ERGIC3: variants seen among roughly 807,000 people sequenced by gnomAD.
The protein encoded by ERGIC3 is endoplasmic reticulum-Golgi intermediate compartment protein 3.
In ERGIC3, 33 loss-of-function variants were observed where a neutral mutation model predicts 54.7. The ratio of observed to expected loss-of-function variants is 0.60; its 90% CI spans 0.46 to 0.81. The LOEUF is 0.81. ERGIC3 is among the 30% of genes least tolerant of loss of function. The probability of loss-of-function intolerance (pLI) is 0.00; values close to 1 mark genes in which losing one functional copy is unlikely to be tolerated. For synonymous variants in ERGIC3, 186 were observed against 189.8 expected (o/e 0.98, Z 0.16); for missense variants, 399 against 488.4 (o/e 0.82, Z 1.73).
intron 4 of ERGIC3, chr20:35,544,934 C>G (rs540865976): frequency 1.4e-5 from 2 of 147,722 alleles, no homozygotes; most frequent in Admixed American, 1.4e-4. Flanking sequence ...TTCTGAGTAG[C>G]TGGGGTTACA....
chr20:35,554,595 A>G (rs1275102057), intron 7 of ERGIC3, among the ~76,000 whole-genome samples: 2 of 152,178 alleles, frequency 1.3e-5, no homozygotes, highest in East Asian at 3.8e-4. Flanking sequence ...ATTGTTCTGG[A>G]ACAGTTGGTA....
At position 35,547,251 on chromosome 20, in the gene ERGIC3, T is replaced by C. The variant is rs556373726; in HGVS notation, c.368-161T>C. The C allele has an allele frequency of 2.2e-5, 13 of 594,914 alleles. No homozygotes were observed. The East Asian group carries it at 3.4e-4, about 16-fold the overall frequency. 36.9% of individuals were successfully genotyped at this position (594,914 alleles called of 1,614,324 possible). On this transcript the variant is annotated intron_variant, in intron 4 of 12. Transcript: ENST00000348547. ...GTTTCTTTTATTAAAAGAATTGATATGTGTGTAGAAGTGCTTAATGCCTGA... is the reference window on the plus strand; with the variant it reads ...GTTTCTTTTATTAAAAGAATTGATACGTGTGTAGAAGTGCTTAATGCCTGA...
chr20:35,556,516 CGTCTGCCTGCCTCACTGTTCTCTGTG>C (rs968680484), intron 10 of ERGIC3: 5 of 547,962 alleles, frequency 9.1e-6, no homozygotes, highest in African/African-American at 1.9e-5. Flanking sequence ...CGGTGCCCAC[CGTCTGCCTGCCTCACTGTTCTCTGTG>C]GTCTGCCTGG....
In ERGIC3 at chr20:35,556,981, G is replaced by T; in HGVS notation, c.888G>T (p.Arg296Ser). Reference protein sequence around the residue: ...VYMKVDGEVLRTNQFSVTRHE... With the variant: ...VYMKVDGEVLSTNQFSVTRHE... ...CTCCCCTCCCACCCCAGGTACTGAG[G>T]ACAAATCAGTTCTCTGTGACCAGAC... The change falls in exon 11 of 13, where the codon AGG (arginine) becomes AGT (serine). Residue 296 changes from arginine to serine, a missense_variant. Transcript: ENST00000348547. 10 of 1,614,168 alleles carry T rather than the reference G, an allele frequency of 6.2e-6. No individual in the cohort carries two copies. Among genetic ancestry groups the T allele is most frequent in the Non-Finnish European group, 8.5e-6 (10 of 1,180,012 alleles).
intron 7 of ERGIC3, among the ~76,000 whole-genome samples, chr20:35,552,889 C>T (rs2064688628): frequency 6.6e-6 from 1 of 151,968 alleles, no homozygotes; most frequent in African/African-American, 2.4e-5. Context: ...AGAGGTAGTA[C>T]AGGAGAGAGT....
rs776001227 is a variant in ERGIC3 at position 35,557,482 on chromosome 20, T to C, written c.1130T>C (p.Ile377Thr). The C allele has an allele frequency of 1.7e-5, 27 of 1,613,962 alleles. No individual in the cohort carries two copies. The highest frequency in any genetic ancestry group is 6.7e-5 in the East Asian group (3 of 44,890). Residue 377 changes from isoleucine (I) to threonine (T), a missense_variant, in exon 13 of 13, where the codon ATT becomes ACT. Ile to Thr is a moderately conservative substitution (Grantham distance 89). Coordinates refer to ENST00000348547, the MANE Select transcript of ERGIC3 (RefSeq NM_015966.3). Reference sequence around the variant, plus strand: ...TCAGCACGAGCCATCCAGAAGAAAATTGATCTAGGGAAGACAACGTAGTCA... The same window carrying C: ...TCAGCACGAGCCATCCAGAAGAAAACTGATCTAGGGAAGACAACGTAGTCA... ...YHSARAIQKK[I>T]DLGKTT is the part of the protein sequence containing the mutation.
At chr20:35,553,749 C>T (rs892912675) in intron 7 of ERGIC3, among the ~76,000 whole-genome samples, 2 of 152,100 alleles carry the variant, frequency 1.3e-5, no homozygotes, top group African/African-American at 2.4e-5. Context: ...AAGGGTCTTG[C>T]TGGGAGGGCA....
At chr20:35,548,734 C>G (rs2064665110) in intron 6 of ERGIC3, 60 bp downstream of exon 6, 1 of 1,614,056 alleles carries the variant, frequency 6.2e-7, no homozygotes, top group East Asian at 2.2e-5. Flanking sequence ...CCACTGGGAA[C>G]CGAGGGCCCA....
At position 35,542,404 on chromosome 20, in the gene ERGIC3, G is replaced by T; in HGVS notation, c.159+11G>T. The T allele has an allele frequency of 6.2e-7, 1 of 1,613,836 alleles. No individual in the cohort carries two copies. Among genetic ancestry groups the T allele is most frequent in the Non-Finnish European group, 8.5e-7 (1 of 1,179,984 alleles). On this transcript the variant is annotated intron_variant, in intron 2 of 12. Coordinates refer to ENST00000348547, the MANE Select transcript of ERGIC3 (RefSeq NM_015966.3). ...TACCTCACCACGGAGGTAAGGGGCGGGGCTTAGTGCGTGGGCGGGGCTTGG... is the reference window on the plus strand; with the variant it reads ...TACCTCACCACGGAGGTAAGGGGCGTGGCTTAGTGCGTGGGCGGGGCTTGG...
chr20:35,548,897 G>T (rs1487833338), intron 7 of ERGIC3, 32 bp downstream of exon 7: 1 of 1,612,660 alleles, frequency 6.2e-7, no homozygotes, highest in Non-Finnish European at 8.5e-7. Context: ...GGGAGATTTA[G>T]ATGCTGGCCA....
At chr20:35,551,901 G>T (rs2064683943) in intron 7 of ERGIC3, among the ~76,000 whole-genome samples, 3 of 152,210 alleles carry the variant, frequency 2.0e-5, no homozygotes, top group Admixed American at 2.0e-4. Context: ...AGTGGAAATT[G>T]CCTAGGGGAG....
chr20:35,550,591 G>C, intron 7 of ERGIC3, among the ~76,000 whole-genome samples: 1 of 152,190 alleles, frequency 6.6e-6, no homozygotes, highest in Non-Finnish European at 1.5e-5. Context: ...ACTCCAGCCT[G>C]GGTAACAGAG....
At chr20:35,553,020 A>AGTTTTTTTTTTTTTT (rs2064689668) in intron 7 of ERGIC3, among the ~76,000 whole-genome samples, 3 of 41,562 alleles carry the variant, frequency 7.2e-5, no homozygotes, top group Non-Finnish European at 8.7e-5. Context: ...AAAGCTGGGG[A>AGTTTTTTTTTTTTTT]TTTTTTTTTT....
Position 35,542,134 on chromosome 20 carries a change from T to A in ERGIC3, c.37T>A (p.Tyr13Asn). 6.4e-7 allele frequency: 1 copy of A among 1,569,140 alleles called. No individual in the cohort carries two copies. Among genetic ancestry groups the A allele is most frequent in the Non-Finnish European group, 8.6e-7 (1 of 1,158,172 alleles). ...GGGGAAGCTGAAGCAGTTCGATGCC[T>A]ACCCCAAGACTTTGGAGGACTTCCG... ...ALGKLKQFDA[Y>N]PKTLEDFRVK... The change falls in exon 1 of 13, where the codon TAC becomes AAC. Residue 13 changes from tyrosine (Y) to asparagine (N), a missense_variant. Coordinates refer to ENST00000348547, the MANE Select transcript of ERGIC3 (RefSeq NM_015966.3).
chr20:35,549,321 A>G (rs1250771416), intron 7 of ERGIC3: 6 of 437,780 alleles, frequency 1.4e-5, no homozygotes, highest in Non-Finnish European at 2.3e-5. Flanking sequence ...GGGCTATGTC[A>G]TATTTGGGCC....
At chr20:35,547,584 C>A in intron 5 of ERGIC3, 79 bp downstream of exon 5, 1 of 1,357,276 alleles carries the variant, frequency 7.4e-7, no homozygotes. Context: ...CAGACTGTGG[C>A]AGGTGGGGAG....
chr20:35,554,975 A>G, intron 7 of ERGIC3, 69 bp from the exon 8 acceptor site: 4 of 1,544,446 alleles, frequency 2.6e-6, no homozygotes, highest in Non-Finnish European at 3.6e-6. Context: ...GTCCAGGGGG[A>G]GGAAGGAGGA....
intron 8 of ERGIC3, 76 bp from the exon 9 acceptor site, chr20:35,555,957 C>A: frequency 7.1e-7 from 1 of 1,407,874 alleles, no homozygotes; most frequent in Admixed American, 1.8e-5. Flanking sequence ...CCCACATCTC[C>A]GCAGACGGAC....
At chr20:35,554,911 A>AGCTTAAGGT in intron 7 of ERGIC3, 133 bp from the exon 8 acceptor site, 1 of 1,085,240 alleles carries the variant, frequency 9.2e-7, no homozygotes, top group Non-Finnish European at 1.4e-6. Context: ...AAGCAGGACC[A>AGCTTAAGGT]GGAGGTGCCA....
Sources: gnomAD v4.1 joint callset for allele counts (sites outside exome capture counted in the v4.1 genomes callset) on GRCh38, gnomAD v4.1.1 for gene constraint, MANE v1.5 for transcripts, NCBI Gene and HGNC (gene_info 2026-07-23, HGNC 2026-07-21) for gene names.